CCDC178: variants seen among roughly 807,000 people sequenced by gnomAD.
CCDC178 encodes coiled-coil domain-containing protein 178.
CCDC178 carries 126 observed loss-of-function variants against 117.4 expected under a neutral mutation model. The observed-to-expected ratio is 1.07, with a 90% CI of 0.93 to 1.24. The LOEUF is 1.24. Among genes scored for constraint, CCDC178 ranks in the 50% most tolerant of loss-of-function variants. The pLI is 0.00. For synonymous variants in CCDC178, 283 were observed against 313.4 expected, an observed-to-expected ratio of 0.90 and a Z score of 1.02; for missense variants, 1,030 against 986.9, an observed-to-expected ratio of 1.04 and a Z score of -0.59.
intron 10 of CCDC178, among the ~76,000 whole-genome samples, chr18:33,325,893 T>C (rs1220624038): frequency 2.0e-5 from 3 of 152,238 alleles, no homozygotes; most frequent in Non-Finnish European, 4.4e-5. Context: ...TTCAGTGGCA[T>C]TCGGTGCATT....
At position 33,134,500 on chromosome 18, in the gene CCDC178, A is replaced by G. The variant is rs2058102449; in HGVS notation, c.2239-41590T>C. Among the ~76,000 whole-genome samples, 7 of 152,194 alleles carry G rather than the reference A, an allele frequency of 4.6e-5. No homozygotes were observed. The South Asian group carries it at 1.4e-3, about 32-fold the overall frequency. On this transcript the variant is annotated intron_variant, in intron 20 of 22. Transcript: ENST00000383096. Reference sequence around the variant, plus strand: ...CAATTGAGAAAAATTAATAGTAGCTACAGAATGTTCACTATTAGCTACTGA... The same window carrying G: ...CAATTGAGAAAAATTAATAGTAGCTGCAGAATGTTCACTATTAGCTACTGA...
At chr18:33,387,052 A>T (rs2063503088) in intron 5 of CCDC178, among the ~76,000 whole-genome samples, 1 of 152,160 alleles carries the variant, frequency 6.6e-6, no homozygotes, top group Admixed American at 6.5e-5. Flanking sequence ...AGAAATCATA[A>T]GCATTCCTAT....
At chr18:33,022,579 C>T (rs1342054995) in intron 21 of CCDC178, among the ~76,000 whole-genome samples, 1 of 152,076 alleles carries the variant, frequency 6.6e-6, no homozygotes, top group East Asian at 1.9e-4. Flanking sequence ...TAAAGCTACA[C>T]AGAGATTCAC....
In CCDC178 at chr18:33,292,305, G is replaced by A. The variant is rs186974104; in HGVS notation, c.1176+854C>T. Among the ~76,000 whole-genome samples, 709 of 152,254 alleles carry A rather than the reference G, an allele frequency of 4.7e-3. 11 individuals are homozygous for A. Among genetic ancestry groups the A allele is most frequent in the Middle Eastern group, 3.4e-3 (1 of 294 alleles). On this transcript the variant is annotated intron_variant, in intron 12 of 22. Coordinates refer to ENST00000383096, the MANE Select transcript of CCDC178 (RefSeq NM_001105528.4). ...ATGGAACAGGAGGGTATTATGTCAA[G>A]TGAAATAAGCCTAGCACAGAAAAAT...
At chr18:33,034,864 T>C (rs2056413103) in intron 21 of CCDC178, among the ~76,000 whole-genome samples, 1 of 152,042 alleles carries the variant, frequency 6.6e-6, no homozygotes, top group South Asian at 2.1e-4. Flanking sequence ...ATGATATTAC[T>C]ATCTGTACAT....
chr18:33,161,270 C>T (rs570238341), intron 20 of CCDC178, among the ~76,000 whole-genome samples: 2 of 152,124 alleles, frequency 1.3e-5, no homozygotes, highest in South Asian at 2.1e-4. Context: ...TAAAAGTATG[C>T]AAAGCATTTT....
intron 22 of CCDC178, among the ~76,000 whole-genome samples, chr18:32,945,057 A>G (rs983838482): frequency 2.0e-5 from 3 of 152,130 alleles, no homozygotes; most frequent in Admixed American, 6.5e-5. Flanking sequence ...CTAGCTAGTC[A>G]TTCATTTTAC....
At chr18:33,206,894 A>T (rs1255515684) in intron 20 of CCDC178, among the ~76,000 whole-genome samples, 1 of 152,230 alleles carries the variant, frequency 6.6e-6, no homozygotes, top group African/African-American at 2.4e-5. Flanking sequence ...AGATTCCTAC[A>T]TTAAGGATTT....
rs1234592177 is a variant in CCDC178, at chr18:33,092,851, T to C, written c.2298A>G (p.Leu766=). Residue 766 remains leucine (L), a synonymous_variant, in exon 21 of 23, where the codon CTA becomes CTG. Coordinates refer to ENST00000383096, the MANE Select transcript of CCDC178 (RefSeq NM_001105528.4). ...NLRLAQEYQQ[L]QITFLKEKDN... ...CCTTTTCTTTTAAGAATGTAATCTG[T>C]AGCTGTTGATACTCTTGAGCTAAAC... The C allele has an allele frequency of 1.3e-6, 2 of 1,584,892 alleles. No homozygotes were observed. The highest frequency in any genetic ancestry group is 1.8e-4 in the Middle Eastern group (1 of 5,542).
At chr18:33,085,540 G>A (rs1244770085) in intron 21 of CCDC178, among the ~76,000 whole-genome samples, 2 of 152,114 alleles carry the variant, frequency 1.3e-5, no homozygotes. Flanking sequence ...TCCAGCCTGG[G>A]CGACAGAGAG....
At chr18:33,427,922 G>A (rs2064143720) in intron 2 of CCDC178, among the ~76,000 whole-genome samples, 1 of 152,174 alleles carries the variant, frequency 6.6e-6, no homozygotes, top group African/African-American at 2.4e-5. Context: ...CAATTTTGCA[G>A]TGAATATCCT....
intron 21 of CCDC178, among the ~76,000 whole-genome samples, chr18:32,996,491 A>G (rs953325695): frequency 4.6e-5 from 7 of 151,970 alleles, no homozygotes; most frequent in Non-Finnish European, 8.8e-5. Context: ...TTGGAAAACT[A>G]TAAATTATAT....
intron 11 of CCDC178, among the ~76,000 whole-genome samples, chr18:33,298,154 C>T (rs1353110701): frequency 6.6e-6 from 1 of 151,938 alleles, no homozygotes; most frequent in Non-Finnish European, 1.5e-5. Context: ...GATACCAAAA[C>T]TAGACAGGGA....
intron 20 of CCDC178, among the ~76,000 whole-genome samples, chr18:33,139,779 G>A (rs993223822): frequency 1.3e-5 from 2 of 152,184 alleles, no homozygotes; most frequent in Non-Finnish European, 2.9e-5. Flanking sequence ...TTTCTGAGGA[G>A]AATTTCAAGC....
intron 20 of CCDC178, among the ~76,000 whole-genome samples, chr18:33,111,432 G>A (rs991094195): frequency 6.6e-5 from 10 of 151,594 alleles, no homozygotes. Context: ...ATATCGCTAA[G>A]GCTTTGTAAT....
chr18:33,053,429 C>T (rs572757106), intron 21 of CCDC178, among the ~76,000 whole-genome samples: 5 of 152,162 alleles, frequency 3.3e-5, no homozygotes, highest in South Asian at 2.1e-4. Context: ...AAATGGTGGA[C>T]GGACATAGGT....
chr18:33,014,510 T>G (rs539917388), intron 21 of CCDC178, among the ~76,000 whole-genome samples: 1 of 152,240 alleles, frequency 6.6e-6, no homozygotes, highest in South Asian at 2.1e-4. Flanking sequence ...CACACCTATG[T>G]GTAGGGCAGT....
chr18:33,375,088 G>A (rs1259448241), intron 5 of CCDC178, among the ~76,000 whole-genome samples: 1 of 152,142 alleles, frequency 6.6e-6, no homozygotes, highest in Non-Finnish European at 1.5e-5. Context: ...CTGTAAATGA[G>A]TGGATTGTAT....
At position 32,961,524 on chromosome 18, in the gene CCDC178, A is replaced by G. The variant is rs535432567; in HGVS notation, c.2523+13023T>C. ...ACAGACGATTTAAATTGAGTCTTGT[A>G]TGTTATCTAATGCAGTAGTTCCCAA... On this transcript the variant is annotated intron_variant, in intron 22 of 22. Transcript: ENST00000383096. Among the ~76,000 whole-genome samples, 15 of 152,186 alleles carry G rather than the reference A, an allele frequency of 9.9e-5. No homozygotes were observed. The South Asian group carries it at 1.4e-3, about 15-fold the overall frequency.
Sources: gnomAD v4.1 joint callset for allele counts (sites outside exome capture counted in the v4.1 genomes callset) on GRCh38, gnomAD v4.1.1 for gene constraint, MANE v1.5 for transcripts, NCBI Gene and HGNC (gene_info 2026-07-23, HGNC 2026-07-21) for gene names.